The following CHRNA5 variants were observed in gnomAD, a reference collection of about 807,000 sequenced individuals.
CHRNA5 encodes the protein neuronal acetylcholine receptor subunit alpha-5.
In CHRNA5, 28 loss-of-function variants were observed where a neutral mutation model predicts 41.2. That is an observed-to-expected ratio of 0.68 (90% CI 0.50 to 0.93). The LOEUF (loss-of-function observed/expected upper bound fraction) is 0.93. CHRNA5 is among the 40% of genes least tolerant of loss of function. CHRNA5 has a pLI of 0.00. For missense variants in CHRNA5, 481 were observed against 581.9 expected, an observed-to-expected ratio of 0.83 and a Z score of 1.78; for synonymous variants, 188 against 205.8, an observed-to-expected ratio of 0.91 and a Z score of 0.74.
intron 4 of CHRNA5, chr15:78,589,249 T>A (rs1225473833): frequency 6.6e-6 from 1 of 152,234 alleles, no homozygotes; most frequent in African/African-American, 2.4e-5. Context: ...TAAAGAAATC[T>A]TATGTTGGTG....
intron 1 of CHRNA5, among the ~76,000 whole-genome samples, chr15:78,566,452 A>G (rs959616341): frequency 6.6e-6 from 1 of 152,204 alleles, no homozygotes; most frequent in African/African-American, 2.4e-5. Flanking sequence ...TTGGACAGGA[A>G]TGGAAACAAC....
chr15:78,588,235 G>C lies in CHRNA5; in HGVS notation c.304-79G>C, dbSNP rs12898919. 0.038 allele frequency: 26,219 copies of C among 688,938 alleles called. 615 individuals are homozygous for C. Among genetic ancestry groups the C allele is most frequent in the Non-Finnish European group, 0.052 (21,337 of 410,372 alleles). The allele number at this position is 688,938 out of a possible 1,614,324, so 42.7% of individuals were successfully genotyped here. On this transcript the variant is annotated intron_variant, in intron 3 of 5. Transcript: ENST00000299565. The surrounding 1 kb of genome is among the most constrained non-coding windows in gnomAD (Gnocchi z 4.1). ...GATGATCTCATGTCTAAAATTTCTG[G>C]TGTGACAAAAAAGTATGGTATTCAC...
At chr15:78,571,389 A>G (rs1051692287) in intron 1 of CHRNA5, among the ~76,000 whole-genome samples, 7 of 152,168 alleles carry the variant, frequency 4.6e-5, no homozygotes, top group African/African-American at 1.7e-4. Context: ...ATAACTCGAC[A>G]TCTCTAAGGG....
intron 2 of CHRNA5, among the ~76,000 whole-genome samples, chr15:78,583,801 T>C (rs1254830038): frequency 6.6e-6 from 1 of 152,168 alleles, no homozygotes; most frequent in African/African-American, 2.4e-5. Flanking sequence ...AAATGTTCAC[T>C]AGCTTTTGGG....
At position 78,570,673 on chromosome 15, in the gene CHRNA5, T is replaced by A. The variant is rs117022776; in HGVS notation, c.106+4848T>A. ...AAAAATAGGAGTTAAATATGAATAT[T>A]TGAATTCTGACAAAAAAGGTGATAT... On this transcript the variant is annotated intron_variant, in intron 1 of 5. Transcript: ENST00000299565. Among the ~76,000 whole-genome samples the A allele has an allele frequency of 9.8e-4, 149 of 152,258 alleles. No individual in the cohort carries two copies. In the East Asian group the frequency reaches 0.022, roughly 22 times the overall value.
intron 1 of CHRNA5, among the ~76,000 whole-genome samples, chr15:78,574,099 C>T (rs1373403210): frequency 1.3e-5 from 2 of 150,802 alleles, no homozygotes; most frequent in Non-Finnish European, 3.0e-5. Context: ...AGGCGTGAGC[C>T]ACCGTGCCCG....
At chr15:78,590,030 T>C (rs2052996680) in exon 5 of CHRNA5, 1 of 1,614,160 alleles carries the variant, frequency 6.2e-7, no homozygotes, top group Non-Finnish European at 8.5e-7. Flanking sequence ...GAGATTTTTT[T>C]GATAATGGAG....
At chr15:78,585,959 T>C (rs1251773816) in intron 2 of CHRNA5, among the ~76,000 whole-genome samples, 7 of 84,432 alleles carry the variant, frequency 8.3e-5, no homozygotes, top group Non-Finnish European at 1.6e-4. Flanking sequence ...TAATTTTTTG[T>C]ATTTTTTTTT....
chr15:78,591,998 C>T (rs1316833612), intron 5 of CHRNA5, among the ~76,000 whole-genome samples: 2 of 152,096 alleles, frequency 1.3e-5, no homozygotes, highest in Non-Finnish European at 2.9e-5. Flanking sequence ...CTACTAGGAC[C>T]AAGGAGGTTG....
At chr15:78,570,424 A>ATTCTCTTTTTTTTTTTT (rs2052791857) in intron 1 of CHRNA5, among the ~76,000 whole-genome samples, 1 of 64,184 alleles carries the variant, frequency 1.6e-5, no homozygotes, top group African/African-American at 6.7e-5. Flanking sequence ...AATCCCGGCT[A>ATTCTCTTTTTTTTTTTT]TTTTTTTTTT....
intron 2 of CHRNA5, 26 bp from the exon 3 acceptor site, chr15:78,586,619 C>T: frequency 7.5e-7 from 1 of 1,331,236 alleles, no homozygotes; most frequent in Non-Finnish European, 1.1e-6. Flanking sequence ...TGAAATCAAT[C>T]TTATTTAAAT....
chr15:78,586,539 T>C (rs1245440797), intron 2 of CHRNA5, 106 bp from the exon 3 acceptor site: 1 of 658,744 alleles, frequency 1.5e-6, no homozygotes. Context: ...GAAATGTGGG[T>C]ACTATGTGAA....
chr15:78,570,528 G>A (rs1023533406), intron 1 of CHRNA5, among the ~76,000 whole-genome samples: 1 of 144,598 alleles, frequency 6.9e-6, no homozygotes, highest in Admixed American at 7.3e-5. Context: ...CCTTGGCTTC[G>A]CAAAGTGCTG....
intron 1 of CHRNA5, among the ~76,000 whole-genome samples, chr15:78,567,367 C>T (rs1204068352): frequency 6.6e-6 from 1 of 152,098 alleles, no homozygotes; most frequent in Non-Finnish European, 1.5e-5. Flanking sequence ...GCCTGACACT[C>T]GAGAAAATGG....
At chr15:78,577,588 C>T (rs495956) in intron 1 of CHRNA5, among the ~76,000 whole-genome samples, 96,981 of 151,912 alleles carry the variant, frequency 0.64, 31,239 homozygotes, top group Middle Eastern at 0.78. Flanking sequence ...GAGATAGCGA[C>T]TCAAGCTAGT....
intron 2 of CHRNA5, 108 bp from the exon 3 acceptor site, chr15:78,586,537 G>A (rs1207263403): frequency 3.1e-6 from 2 of 644,364 alleles, no homozygotes; most frequent in Admixed American, 2.8e-5. Context: ...ATGAAATGTG[G>A]GTACTATGTG....
Position 78,580,279 on chromosome 15 carries a change from CAAAAAAAAA to C in CHRNA5, c.107-517_107-509del, listed in dbSNP as rs71148541. Among the ~76,000 whole-genome samples the C allele has an allele frequency of 6.5e-5, 4 of 62,000 alleles. No homozygotes were observed. In the South Asian group the frequency reaches 2.2e-3, roughly 35 times the overall value. 40.7% of individuals were successfully genotyped at this position (62,000 alleles called of 152,430 possible). A position where few individuals can be genotyped will look rare whatever the true frequency, so the allele number is the denominator to read the frequency against. On this transcript the variant is annotated intron_variant, in intron 1 of 5. Transcript: ENST00000299565. The stretch of plus-strand genomic sequence containing the variant: ...TGGGAGACCAGGCAGGACTCCGTCT[CAAAAAAAAA>C]AAAAAAAAAAAAAAGATTATGCAAA...
intron 2 of CHRNA5, among the ~76,000 whole-genome samples, chr15:78,582,283 C>A (rs1482741663): frequency 6.6e-6 from 1 of 151,968 alleles, no homozygotes; most frequent in East Asian, 1.9e-4. Context: ...GTCAGGAGTT[C>A]CAGACCAGCC....
intron 3 of CHRNA5, 85 bp downstream of exon 3, chr15:78,586,774 G>A: frequency 1.0e-6 from 1 of 983,344 alleles, no homozygotes; most frequent in South Asian, 1.4e-5. Flanking sequence ...AAATACAAGA[G>A]TATGTATATT....
Sources: allele counts gnomAD v4.1 joint callset (sites outside exome capture counted in the v4.1 genomes callset), GRCh38; gene constraint gnomAD v4.1.1; non-coding constraint Gnocchi (gnomAD v3.1); transcripts MANE v1.5; gene names NCBI Gene and HGNC (gene_info 2026-07-23, HGNC 2026-07-21).